The following THSD7B variants were observed in gnomAD, a reference collection of about 807,000 sequenced individuals.
THSD7B encodes the protein thrombospondin type 1 domain containing 7B.
A neutral mutation model predicts 213.6 loss-of-function variants in THSD7B; 138 were observed. The observed-to-expected ratio is 0.65, with a 90% CI of 0.56 to 0.74. THSD7B has a LOEUF of 0.74. Ranked by LOEUF, THSD7B falls within the 30% of genes least tolerant of loss-of-function variation. The pLI, the probability that THSD7B is intolerant of heterozygous loss-of-function variation, is 0.00. For missense variants in THSD7B, 1,931 were observed against 1,991.5 expected (o/e 0.97, Z 0.58); for synonymous variants, 742 against 687.0 (o/e 1.08, Z -1.25).
Position 137,655,518 on chromosome 2 carries a change from A to T in THSD7B, c.3963A>T (p.Glu1321Asp). Residue 1321 changes from glutamate to aspartate, a missense_variant, in exon 22 of 28, where the codon GAA becomes GAT. Coordinates refer to ENST00000409968, the MANE Select transcript of THSD7B (RefSeq NM_001316349.2). ...TCTCATAGGGTGGAGACTGTGGGGA[A>T]GGAGTTCAGATCCGCAGCCTTTCCT... ...ACKLEGGDCG[E>D]GVQIRSLSCM... is the part of the protein sequence containing the mutation. 6.2e-7 allele frequency: 1 copy of T among 1,612,024 alleles called. No individual in the cohort carries two copies. Among genetic ancestry groups the T allele is most frequent in the Admixed American group, 1.7e-5 (1 of 59,770 alleles).
intron 5 of THSD7B, among the ~76,000 whole-genome samples, chr2:137,157,658 C>G (rs1044323028): frequency 1.3e-5 from 2 of 152,134 alleles, no homozygotes; most frequent in Non-Finnish European, 2.9e-5. Context: ...AACTCAGACC[C>G]AGATGCCTAG....
At chr2:137,181,243 T>C (rs1183660102) in intron 7 of THSD7B, among the ~76,000 whole-genome samples, 1 of 152,186 alleles carries the variant, frequency 6.6e-6, no homozygotes, top group East Asian at 1.9e-4. Context: ...GACAGCTCTT[T>C]AGGGATAAAC....
At chr2:137,516,437 A>C (rs1285106799) in intron 15 of THSD7B, among the ~76,000 whole-genome samples, 3 of 152,156 alleles carry the variant, frequency 2.0e-5, no homozygotes, top group African/African-American at 7.2e-5. Flanking sequence ...TCTTTCTCTC[A>C]TCCTTCCCCA....
chr2:137,589,657 G>A (rs904710762), intron 17 of THSD7B, among the ~76,000 whole-genome samples: 11 of 152,088 alleles, frequency 7.2e-5, no homozygotes, highest in Admixed American at 3.9e-4. Flanking sequence ...CATATTTGGG[G>A]TCTGGTTTCT....
chr2:137,073,911 A>G (rs1047798671), intron 3 of THSD7B, among the ~76,000 whole-genome samples: 1 of 152,128 alleles, frequency 6.6e-6, no homozygotes, highest in Non-Finnish European at 1.5e-5. Context: ...GAATTTCTTA[A>G]TCCTGAGTTC....
intron 2 of THSD7B, among the ~76,000 whole-genome samples, chr2:136,901,376 C>T (rs895799103): frequency 5.9e-5 from 9 of 152,294 alleles, no homozygotes; most frequent in East Asian, 1.9e-4. Context: ...ATTATATTGA[C>T]GTAAAACTTT....
intron 27 of THSD7B, among the ~76,000 whole-genome samples, chr2:137,670,209 C>CCAT (rs1452782525): frequency 6.6e-6 from 1 of 152,100 alleles, no homozygotes; most frequent in Non-Finnish European, 1.5e-5. Context: ...GGACCGGCTC[C>CCAT]CATCTGCAGT....
intron 1 of THSD7B, among the ~76,000 whole-genome samples, chr2:136,847,543 A>G (rs189965724): frequency 2.0e-5 from 3 of 152,218 alleles, no homozygotes; most frequent in East Asian, 1.9e-4. Context: ...AAAGCTGACT[A>G]TATATCTGGA....
At chr2:137,620,571 AT>A in intron 19 of THSD7B, 37 bp from the exon 20 acceptor site, 1 of 1,517,402 alleles carries the variant, frequency 6.6e-7, no homozygotes, top group Non-Finnish European at 9.1e-7. Flanking sequence ...CTAAAGAGTG[AT>A]TTCTCCAATA....
At chr2:137,420,633 A>G (rs1686903583) in intron 14 of THSD7B, among the ~76,000 whole-genome samples, 1 of 152,164 alleles carries the variant, frequency 6.6e-6, no homozygotes, top group Non-Finnish European at 1.5e-5. Flanking sequence ...ATCATCACAA[A>G]CAGCTGGCAG....
intron 17 of THSD7B, among the ~76,000 whole-genome samples, chr2:137,577,920 G>C (rs1046788677): frequency 1.3e-5 from 2 of 152,162 alleles, no homozygotes; most frequent in Non-Finnish European, 2.9e-5. Context: ...CGCGATTCAA[G>C]AGAATTGGAG....
At chr2:137,316,196 G>A (rs970573944) in intron 12 of THSD7B, among the ~76,000 whole-genome samples, 2 of 152,170 alleles carry the variant, frequency 1.3e-5, no homozygotes, top group African/African-American at 4.8e-5. Context: ...AAGCCTGCAT[G>A]TGTGGGCGAA....
intron 12 of THSD7B, among the ~76,000 whole-genome samples, chr2:137,376,887 C>T (rs1009118274): frequency 1.3e-5 from 2 of 152,088 alleles, no homozygotes; most frequent in African/African-American, 4.8e-5. Context: ...AGAAAAATGA[C>T]TTGGAAATAT....
intron 1 of THSD7B, among the ~76,000 whole-genome samples, chr2:136,817,872 G>T (rs1233708847): frequency 6.7e-6 from 1 of 149,618 alleles, no homozygotes; most frequent in East Asian, 2.0e-4. Context: ...AGTTAGAATG[G>T]CAATCATTAA....
chr2:137,262,820 C>T lies in THSD7B; in HGVS notation c.2267-9713C>T, dbSNP rs537768057. Among the ~76,000 whole-genome samples the T allele has an allele frequency of 3.7e-3, 559 of 152,250 alleles. 4 individuals are homozygous for T. Among genetic ancestry groups the T allele is most frequent in the Middle Eastern group, 6.8e-3 (2 of 294 alleles). On this transcript the variant is annotated intron_variant, in intron 10 of 27. Transcript: ENST00000409968. ...ATGCTAATACTTCAGCTCCACCCAT[C>T]AGGGATTGTCCTTTAATTGGTTTGG... is the stretch of plus-strand genomic sequence containing the variant.
At chr2:136,969,660 C>T (rs1685374105) in intron 2 of THSD7B, among the ~76,000 whole-genome samples, 1 of 152,086 alleles carries the variant, frequency 6.6e-6, no homozygotes, top group African/African-American at 2.4e-5. Context: ...AGACTCTAAG[C>T]CCTTGTTTGT....
intron 21 of THSD7B, among the ~76,000 whole-genome samples, chr2:137,654,599 T>TCC (rs1388802460): frequency 1.3e-5 from 2 of 152,142 alleles, no homozygotes; most frequent in Non-Finnish European, 2.9e-5. Context: ...TCTGGGCAGA[T>TCC]TCGGGGGAGG....
chr2:136,849,114 T>C (rs1471787787), intron 1 of THSD7B, among the ~76,000 whole-genome samples: 1 of 152,206 alleles, frequency 6.6e-6, no homozygotes, highest in East Asian at 1.9e-4. Context: ...GCATTTTCTT[T>C]ATTGTAAAAC....
intron 2 of THSD7B, among the ~76,000 whole-genome samples, chr2:137,027,016 T>C (rs1402421386): frequency 6.6e-6 from 1 of 152,228 alleles, no homozygotes; most frequent in Non-Finnish European, 1.5e-5. Flanking sequence ...TTTCCCATTA[T>C]TGCAGGCAGC....
Sources: gnomAD v4.1 joint callset for allele counts (sites outside exome capture counted in the v4.1 genomes callset) on GRCh38, gnomAD v4.1.1 for gene constraint, MANE v1.5 for transcripts, NCBI Gene and HGNC (gene_info 2026-07-23, HGNC 2026-07-21) for gene names.